MCM3AP: variants seen among roughly 807,000 people sequenced by gnomAD.
MCM3AP encodes the protein minichromosome maintenance complex component 3 associated protein.
Under a neutral mutation model 184.1 loss-of-function variants are expected in MCM3AP, and 126 were observed. The ratio of observed to expected loss-of-function variants is 0.68; its 90% CI spans 0.59 to 0.79. MCM3AP has a LOEUF of 0.79. Among genes scored for constraint, MCM3AP ranks in the 30% least tolerant of loss-of-function variants. The pLI is 0.00. For synonymous variants in MCM3AP, 1,002 were observed against 979.3 expected (o/e 1.02, Z -0.43); for missense variants, 2,496 against 2,479.2 (o/e 1.01, Z -0.14).
At chr21:46,270,628 G>T in intron 8 of MCM3AP, 65 bp from the exon 9 acceptor site, 1 of 1,327,560 alleles carries the variant, frequency 7.5e-7, no homozygotes, top group Non-Finnish European at 1.0e-6. Flanking sequence ...TTTTCATGAA[G>T]ATAGATCTGA....
chr21:46,242,262 A>C (rs1056290846), intron 25 of MCM3AP: 1 of 152,548 alleles, frequency 6.6e-6, no homozygotes, highest in African/African-American at 2.4e-5. Flanking sequence ...TTCTACCAAG[A>C]AGCATGTTTT....
Position 46,270,542 on chromosome 21 carries a change from A to G in MCM3AP, c.2487T>C (p.Pro829=). 6.2e-7 allele frequency: 1 copy of G among 1,611,860 alleles called. No homozygotes were observed. Among genetic ancestry groups the G allele is most frequent in the Non-Finnish European group, 8.5e-7 (1 of 1,179,154 alleles). The change falls in exon 9 of 28, where the codon CCT becomes CCC. Residue 829 remains proline (P), a synonymous_variant. Transcript: ENST00000291688. The part of the protein sequence containing the change: ...DILREVQQFH[P]AVRNSSEVKF... ...TCACCTCAGATGAGTTTCTAACAGC[A>G]GGATGGAACTGTTGTACTTCTCTGT...
At position 46,264,220 on chromosome 21, in the gene MCM3AP, G is replaced by A. The variant is rs771187920; in HGVS notation, c.3235-3C>T. The A allele has an allele frequency of 1.6e-5, 26 of 1,602,030 alleles. No individual in the cohort carries two copies. The highest frequency in any genetic ancestry group is 2.2e-5 in the East Asian group (1 of 44,748). On this transcript the variant is annotated splice_region_variant and splice_polypyrimidine_tract_variant and intron_variant, in intron 12 of 27. Transcript: ENST00000291688. Reference sequence around the variant, plus strand: ...TCGTCCACCACCTGCGCCAGGTCCTGTGGAGAGACCAGCATGGGGTGTAAT... The same window carrying A: ...TCGTCCACCACCTGCGCCAGGTCCTATGGAGAGACCAGCATGGGGTGTAAT...
chr21:46,254,473 G>C lies in MCM3AP; in HGVS notation c.4055C>G (p.Pro1352Arg). The change falls in exon 19 of 28, where the codon CCT (proline) becomes CGT (arginine). Residue 1352 changes from proline (P) to arginine (R), a missense_variant. Physicochemically the swap from Pro to Arg is moderately radical, Grantham distance 103. Transcript: ENST00000291688. ...DLPSLVAEHL[P>R]GRQEHVFWKL... Reference sequence around the variant, plus strand: ...CCAAAACACATGCTCCTGCCTCCCAGGGAGGTGCTCAGCCACGAGGGATGG... The same window carrying C: ...CCAAAACACATGCTCCTGCCTCCCACGGAGGTGCTCAGCCACGAGGGATGG... 1 of 1,614,154 alleles carries C rather than the reference G, an allele frequency of 6.2e-7. No individual in the cohort carries two copies. The highest frequency in any genetic ancestry group is 8.5e-7 in the Non-Finnish European group (1 of 1,180,044).
At chr21:46,283,070 C>A (rs1365829922) in intron 2 of MCM3AP, among the ~76,000 whole-genome samples, 3 of 151,772 alleles carry the variant, frequency 2.0e-5, no homozygotes, top group Non-Finnish European at 4.4e-5. Context: ...AGATGACAGG[C>A]GCGAGCCACC....
At chr21:46,251,500 G>T (rs372044366) in intron 20 of MCM3AP, 29 bp downstream of exon 20, 203 of 1,559,636 alleles carry the variant, frequency 1.3e-4, no homozygotes, top group Non-Finnish European at 1.7e-4. Flanking sequence ...TGAAAACACA[G>T]AAGTAAACAC....
chr21:46,271,688 G>C (rs2081182375), intron 8 of MCM3AP, among the ~76,000 whole-genome samples: 1 of 151,690 alleles, frequency 6.6e-6, no homozygotes. Context: ...GTGAAACCCT[G>C]TCTCTACTAA....
At chr21:46,271,275 T>C (rs1243388386) in intron 8 of MCM3AP, among the ~76,000 whole-genome samples, 1 of 150,818 alleles carries the variant, frequency 6.6e-6, no homozygotes, top group Non-Finnish European at 1.5e-5. Flanking sequence ...AACCCTCTCA[T>C]CTCGGCCTCC....
chr21:46,244,284 C>T (rs1371553922), intron 23 of MCM3AP, among the ~76,000 whole-genome samples: 1 of 152,268 alleles, frequency 6.6e-6, no homozygotes, highest in Non-Finnish European at 1.5e-5. Context: ...TTGAGCCAGC[C>T]AGATGGCCTG....
intron 5 of MCM3AP, 123 bp downstream of exon 5, chr21:46,277,404 A>T (rs2081269543): frequency 3.1e-6 from 2 of 646,234 alleles, no homozygotes; most frequent in South Asian, 2.7e-5. Flanking sequence ...CAGACACAGC[A>T]TATCACAGGC....
intron 19 of MCM3AP, chr21:46,254,159 G>C (rs2080912853): frequency 1.8e-6 from 1 of 559,650 alleles, no homozygotes; most frequent in Non-Finnish European, 3.2e-6. Context: ...TTTCTTTAAA[G>C]CAGTGTGAGA....
chr21:46,284,956 T>C lies in MCM3AP; in HGVS notation c.331A>G (p.Ser111Gly). 1 of 1,614,136 alleles carries C rather than the reference T, an allele frequency of 6.2e-7. No homozygotes were observed. Among genetic ancestry groups the C allele is most frequent in the East Asian group, 2.2e-5 (1 of 44,892 alleles). Reference sequence around the variant, plus strand: ...CCAACACTGGTGGGTGATTTAAAACTAAATCCTGTGTTTCCCAGCACAGAT... The same window carrying C: ...CCAACACTGGTGGGTGATTTAAAACCAAATCCTGTGTTTCCCAGCACAGAT... ...SSSVLGNTGF[S>G]FKSPTSVGAF... The change falls in exon 1 of 28, where the codon AGT becomes GGT. Residue 111 changes from serine to glycine, a missense_variant. Ser to Gly is a moderately conservative substitution (Grantham distance 56). This residue lies in a region of MCM3AP where 800 missense variants were observed against 717.1 expected (regional missense o/e 1.12). Transcript: ENST00000291688.
chr21:46,261,269 G>A lies in MCM3AP; in HGVS notation c.3467+11C>T, dbSNP rs1432302876. The A allele has an allele frequency of 1.2e-6, 2 of 1,613,644 alleles. No homozygotes were observed. The highest frequency in any genetic ancestry group is 1.3e-5 in the African/African-American group (1 of 75,058). On this transcript the variant is annotated intron_variant, in intron 14 of 27. Transcript: ENST00000291688. ...GCTCCTTATTCGGCTGCATGGACAA[G>A]ACACACTTACCTTTCCTCTTCAGCC...
intron 9 of MCM3AP, among the ~76,000 whole-genome samples, chr21:46,269,460 T>C (rs1350993760): frequency 6.6e-6 from 1 of 152,218 alleles, no homozygotes; most frequent in Non-Finnish European, 1.5e-5. Flanking sequence ...AACCTTTTCA[T>C]TTACTCCAGA....
chr21:46,264,314 G>A, intron 12 of MCM3AP, 97 bp from the exon 13 acceptor site: 1 of 731,960 alleles, frequency 1.4e-6, no homozygotes, highest in South Asian at 1.8e-5. Context: ...GGCGTCTCGT[G>A]ACAGAAGCAC....
chr21:46,243,094 T>C (rs1031367143), intron 24 of MCM3AP, 163 bp from the exon 25 acceptor site: 21 of 661,776 alleles, frequency 3.2e-5, no homozygotes, highest in Middle Eastern at 4.1e-4. Context: ...AGACCTTTGA[T>C]TAAAGTCACA....
At chr21:46,276,502 C>T (rs1236541877) in intron 5 of MCM3AP, among the ~76,000 whole-genome samples, 2 of 152,064 alleles carry the variant, frequency 1.3e-5, no homozygotes, top group Non-Finnish European at 2.9e-5. Context: ...AGTACAATGG[C>T]ACAATCTCGG....
At chr21:46,246,969 C>A in intron 20 of MCM3AP, 83 bp from the exon 21 acceptor site, 1 of 1,447,972 alleles carries the variant, frequency 6.9e-7, no homozygotes, top group Non-Finnish European at 9.5e-7. Context: ...CAAGTGCAGC[C>A]AAAGCTCTCC....
At chr21:46,254,574 C>T in intron 18 of MCM3AP, 48 bp from the exon 19 acceptor site, 3 of 1,608,314 alleles carry the variant, frequency 1.9e-6, no homozygotes, top group South Asian at 1.1e-5. Flanking sequence ...GAGACCCTTG[C>T]AGGAGCAGCA....
Sources: gnomAD v4.1 joint callset for allele counts (sites outside exome capture counted in the v4.1 genomes callset) on GRCh38, gnomAD v4.1.1 for gene constraint, gnomAD v4.1.1 regional missense constraint, MANE v1.5 for transcripts, NCBI Gene and HGNC (gene_info 2026-07-23, HGNC 2026-07-21) for gene names.